Variants in ASPH observed in about 807,000 individuals in gnomAD.
ASPH encodes aspartate beta-hydroxylase.
ASPH carries 100 observed loss-of-function variants against 118.4 expected under a neutral mutation model. That is an observed-to-expected ratio of 0.84 (90% CI 0.72 to 1.00). The LOEUF (loss-of-function observed/expected upper bound fraction) is 1.00, where lower values mean the gene tolerates loss of function less well. Among genes scored for constraint, ASPH ranks in the 50% least tolerant of loss-of-function variants. The pLI, the probability that ASPH is intolerant of heterozygous loss-of-function variation, is 0.00. For synonymous variants in ASPH, 315 were observed against 325.6 expected, an observed-to-expected ratio of 0.97 and a Z score of 0.35; for missense variants, 920 against 919.5, an observed-to-expected ratio of 1.00 and a Z score of -0.01.
chr8:61,548,090 C>A lies in ASPH; in HGVS notation c.1745G>T (p.Gly582Val). The A allele has an allele frequency of 6.2e-7, 1 of 1,613,684 alleles. No homozygotes were observed. ...AQPWWTPKET[G>V]YTELVKSLER... ...ACTTACCTTTACTAACTCTGTGTAGCCCGTTTCTTTTGGGGTCCACCAAGG... is the reference window on the plus strand; with the variant it reads ...ACTTACCTTTACTAACTCTGTGTAGACCGTTTCTTTTGGGGTCCACCAAGG... Residue 582 changes from glycine to valine, a missense_variant, in exon 21 of 25, where the codon GGC becomes GTC. Coordinates refer to ENST00000379454, the MANE Select transcript of ASPH (RefSeq NM_004318.4).
At position 61,540,366 on chromosome 8, in the gene ASPH, T is replaced by C. The variant is rs575952169; in HGVS notation, c.1764+7705A>G. Among the ~76,000 whole-genome samples the C allele has an allele frequency of 2.6e-5, 4 of 152,298 alleles. No individual in the cohort carries two copies. The South Asian group carries it at 8.3e-4, about 32-fold the overall frequency. On this transcript the variant is annotated intron_variant, in intron 21 of 24. Transcript: ENST00000379454. The stretch of plus-strand genomic sequence containing the variant: ...TGTCCTCGTGATAGTGAATGAGTTC[T>C]TGGAGATCTGGTCGTTTACATGTAT...
chr8:61,533,833 T>C (rs552607257), intron 21 of ASPH, among the ~76,000 whole-genome samples: 3 of 152,364 alleles, frequency 2.0e-5, no homozygotes, highest in Admixed American at 1.3e-4. Context: ...TCATCTGCTA[T>C]TGTCTCCCTT....
rs188816499 is a variant in ASPH, at chr8:61,532,226, C to T, written c.1765-6114G>A. Among the ~76,000 whole-genome samples, 54 of 152,212 alleles carry T rather than the reference C, an allele frequency of 3.5e-4. No homozygotes were observed. The East Asian group carries it at 9.8e-3, about 28-fold the overall frequency. On this transcript the variant is annotated intron_variant, in intron 21 of 24. Coordinates refer to ENST00000379454, the MANE Select transcript of ASPH (RefSeq NM_004318.4). ...CCTCATTTTTTTCATAATAGCCATC[C>T]TAACAGGTATGAGGTGATATCTCAC...
intron 14 of ASPH, among the ~76,000 whole-genome samples, chr8:61,594,410 G>A (rs1290352878): frequency 6.6e-6 from 1 of 152,172 alleles, no homozygotes; most frequent in Non-Finnish European, 1.5e-5. Flanking sequence ...AGCCCAGCTT[G>A]CATCAGTGTC....
intron 3 of ASPH, among the ~76,000 whole-genome samples, chr8:61,654,460 C>T (rs553651413): frequency 1.3e-5 from 2 of 152,294 alleles, no homozygotes; most frequent in South Asian, 4.1e-4. Context: ...CATTAAGAAT[C>T]TCCTACCAAG....
At chr8:61,624,133 G>T in intron 13 of ASPH, 1 of 744,014 alleles carries the variant, frequency 1.3e-6, no homozygotes, top group Non-Finnish European at 1.6e-6. Context: ...AGTTACTATA[G>T]CCAACAATAA....
intron 22 of ASPH, among the ~76,000 whole-genome samples, chr8:61,519,601 C>T (rs1812205293): frequency 6.6e-6 from 1 of 152,218 alleles, no homozygotes; most frequent in African/African-American, 2.4e-5. Context: ...GATTTCTTAT[C>T]AGCTCACATT....
chr8:61,572,669 G>A (rs910603025), intron 16 of ASPH, among the ~76,000 whole-genome samples: 1 of 152,036 alleles, frequency 6.6e-6, no homozygotes, highest in Non-Finnish European at 1.5e-5. Flanking sequence ...GGCCGTGAAC[G>A]CAGTCCAAGC....
At chr8:61,521,334 A>G (rs1012383565) in intron 22 of ASPH, among the ~76,000 whole-genome samples, 2 of 152,180 alleles carry the variant, frequency 1.3e-5, no homozygotes, top group African/African-American at 4.8e-5. Flanking sequence ...TAAAAATATA[A>G]TATTACTATC....
chr8:61,555,864 G>T, intron 19 of ASPH, 60 bp downstream of exon 19: 1 of 1,420,342 alleles, frequency 7.0e-7, no homozygotes. Flanking sequence ...ATAAGCAAGT[G>T]TGTCCCAATA....
intron 1 of ASPH, among the ~76,000 whole-genome samples, chr8:61,693,512 T>C (rs1327530581): frequency 6.6e-6 from 1 of 152,178 alleles, no homozygotes; most frequent in African/African-American, 2.4e-5. Flanking sequence ...ATTTTCAAAC[T>C]AACACTAAAC....
Position 61,526,092 on chromosome 8 carries a change from C to A in ASPH, c.1785G>T (p.Lys595Asn). 1 of 1,613,994 alleles carries A rather than the reference C, an allele frequency of 6.2e-7. No homozygotes were observed. Among genetic ancestry groups the A allele is most frequent in the Non-Finnish European group, 8.5e-7 (1 of 1,179,890 alleles). The stretch of plus-strand genomic sequence containing the variant: ...CTGCAAGGCCTTCATCTCGGATTAA[C>A]TTCCAGTTTCTTTCTAAAGACTAGA... ...ELVKSLERNW[K>N]LIRDEGLAVM... Residue 595 changes from lysine to asparagine, a missense_variant, in exon 22 of 25, where the codon AAG (lysine) becomes AAT (asparagine). Coordinates refer to ENST00000379454, the MANE Select transcript of ASPH (RefSeq NM_004318.4).
intron 1 of ASPH, among the ~76,000 whole-genome samples, chr8:61,704,283 A>T (rs993629487): frequency 3.3e-5 from 5 of 150,694 alleles, no homozygotes; most frequent in Admixed American, 3.3e-4. Flanking sequence ...TTGCTTTTTG[A>T]CAAAGGCACC....
At chr8:61,542,387 G>C (rs1242721665) in intron 21 of ASPH, among the ~76,000 whole-genome samples, 1 of 151,628 alleles carries the variant, frequency 6.6e-6, no homozygotes, top group East Asian at 1.9e-4. Flanking sequence ...CTACTTTTTT[G>C]AGTTATTTTC....
chr8:61,671,502 A>T (rs996422609), intron 3 of ASPH, among the ~76,000 whole-genome samples: 4 of 152,210 alleles, frequency 2.6e-5, no homozygotes, highest in Non-Finnish European at 5.9e-5. Context: ...GTTGTTTTTA[A>T]TTAATAGAAT....
chr8:61,630,141 T>C (rs2150720195), intron 13 of ASPH, among the ~76,000 whole-genome samples: 1 of 152,328 alleles, frequency 6.6e-6, no homozygotes, highest in African/African-American at 2.4e-5. Context: ...AGTTACATTA[T>C]TATGAACTTT....
chr8:61,546,886 C>G (rs1351945066), intron 21 of ASPH, among the ~76,000 whole-genome samples: 2 of 152,174 alleles, frequency 1.3e-5, no homozygotes, highest in East Asian at 3.9e-4. Context: ...TCCACATATC[C>G]ATCAGCCAGA....
chr8:61,578,893 G>A (rs1315516905), intron 15 of ASPH: 1 of 1,612,498 alleles, frequency 6.2e-7, no homozygotes, highest in Non-Finnish European at 8.5e-7. Context: ...AACTTCCTCA[G>A]GCAGCTGTAC....
intron 15 of ASPH, chr8:61,578,353 G>A: frequency 1.2e-6 from 2 of 1,607,252 alleles, no homozygotes; most frequent in Admixed American, 1.7e-5. Context: ...GGCAGCAGCA[G>A]CTTTCGGGGT....
Sources: allele counts gnomAD v4.1 joint callset (sites outside exome capture counted in the v4.1 genomes callset), GRCh38; gene constraint gnomAD v4.1.1; transcripts MANE v1.5; gene names NCBI Gene and HGNC (gene_info 2026-07-23, HGNC 2026-07-21).